The following PDE3B variants were observed in gnomAD, a reference collection of about 807,000 sequenced individuals.
The protein encoded by PDE3B is phosphodiesterase 3B.
In PDE3B, 66 loss-of-function variants were observed where a neutral mutation model predicts 116.8. The observed-to-expected ratio is 0.56, with a 90% CI of 0.46 to 0.69. PDE3B has a LOEUF of 0.69. Ranked by LOEUF, PDE3B falls within the 30% of genes least tolerant of loss-of-function variation. PDE3B has a pLI of 0.00. For missense variants in PDE3B, 1,384 were observed against 1,368.1 expected (o/e 1.01, Z -0.18); for synonymous variants, 595 against 533.6 (o/e 1.12, Z -1.59).
intron 12 of PDE3B, 100 bp from the exon 13 acceptor site, chr11:14,858,943 A>G (rs375850515): frequency 4.4e-5 from 33 of 752,952 alleles, no homozygotes; most frequent in East Asian, 2.3e-4. Context: ...CCTAGTATAT[A>G]GTAGGTATTC....
intron 1 of PDE3B, among the ~76,000 whole-genome samples, chr11:14,666,396 C>T (rs538494491): frequency 0.012 from 1,813 of 151,620 alleles, 35 homozygotes; most frequent in African/African-American, 0.041. Context: ...GTCTAAAACA[C>T]CAAAAGCAAT....
intron 1 of PDE3B, among the ~76,000 whole-genome samples, chr11:14,653,909 C>T (rs577681757): frequency 6.6e-6 from 1 of 151,982 alleles, no homozygotes; most frequent in African/African-American, 2.4e-5. Flanking sequence ...AATGTGGGAG[C>T]ATCACCTGAG....
intron 7 of PDE3B, among the ~76,000 whole-genome samples, chr11:14,825,375 T>TA (rs1361108761): frequency 6.6e-6 from 1 of 152,050 alleles, no homozygotes; most frequent in Non-Finnish European, 1.5e-5. Context: ...GACCCAATGA[T>TA]ACACTGTCTT....
chr11:14,878,858 A>G, the PDE3B span, among the ~76,000 whole-genome samples: 1 of 152,060 alleles, frequency 6.6e-6, no homozygotes, highest in East Asian at 1.9e-4. Flanking sequence ...TCATTCCACA[A>G]GTTTTGAAAA....
chr11:14,654,403 C>T (rs1853649925), intron 1 of PDE3B, among the ~76,000 whole-genome samples: 1 of 152,138 alleles, frequency 6.6e-6, no homozygotes, highest in African/African-American at 2.4e-5. Flanking sequence ...TATCATCCGA[C>T]AGGTGCTGAG....
chr11:14,773,421 AC>A (rs1481754839), intron 2 of PDE3B: 1 of 152,186 alleles, frequency 6.6e-6, no homozygotes, highest in East Asian at 1.9e-4. Flanking sequence ...ATAAATTCTT[AC>A]TTTTCATAAT....
At chr11:14,855,222 C>T (rs527472158) in intron 12 of PDE3B, among the ~76,000 whole-genome samples, 173 of 151,942 alleles carry the variant, frequency 1.1e-3, no homozygotes, top group African/African-American at 3.9e-3. Context: ...AGTGGAAGTT[C>T]TAAAAAGAAG....
chr11:14,829,373 T>C (rs1859800150), intron 7 of PDE3B, among the ~76,000 whole-genome samples: 1 of 152,162 alleles, frequency 6.6e-6, no homozygotes, highest in South Asian at 2.1e-4. Context: ...ATAAGTAGTA[T>C]TTAGATTTGA....
the PDE3B span, among the ~76,000 whole-genome samples, chr11:14,889,162 TTG>T: frequency 2.1e-3 from 257 of 119,820 alleles, 1 homozygote; most frequent in East Asian, 0.02. Context: ...TAAAGTCCAG[TTG>T]TTTTTTTTTT....
intron 13 of PDE3B, among the ~76,000 whole-genome samples, chr11:14,860,700 C>T (rs1253605919): frequency 2.0e-5 from 3 of 152,068 alleles, no homozygotes; most frequent in Non-Finnish European, 4.4e-5. Context: ...CAGAATACAA[C>T]TTGCTGATTC....
intron 1 of PDE3B, among the ~76,000 whole-genome samples, chr11:14,680,838 A>G (rs1208060421): frequency 2.0e-5 from 3 of 150,854 alleles, no homozygotes; most frequent in Non-Finnish European, 4.4e-5. Flanking sequence ...CATGGACATG[A>G]TATATCTCTT....
At chr11:14,780,040 T>A (rs1282258081) in intron 2 of PDE3B, among the ~76,000 whole-genome samples, 1 of 149,336 alleles carries the variant, frequency 6.7e-6, no homozygotes, top group Non-Finnish European at 1.5e-5. Context: ...TAAAACAGAC[T>A]TTAAACCAAC....
At chr11:14,649,852 A>G (rs975669121) in intron 1 of PDE3B, among the ~76,000 whole-genome samples, 2 of 152,216 alleles carry the variant, frequency 1.3e-5, no homozygotes, top group African/African-American at 2.4e-5. Context: ...GCTTAAAGGC[A>G]TTCAGTTTAA....
intron 4 of PDE3B, among the ~76,000 whole-genome samples, chr11:14,789,662 G>A (rs1466860158): frequency 6.6e-6 from 1 of 151,968 alleles, no homozygotes; most frequent in Non-Finnish European, 1.5e-5. Flanking sequence ...ACAATTGTTA[G>A]GTTTAAGGTA....
chr11:14,790,535 A>G (rs1959993400), intron 4 of PDE3B, among the ~76,000 whole-genome samples: 4 of 152,136 alleles, frequency 2.6e-5, no homozygotes, highest in Admixed American at 2.6e-4. Context: ...CATTTGATAC[A>G]TTGAGTTAAG....
chr11:14,812,074 C>T lies in PDE3B; in HGVS notation c.1523-6109C>T, dbSNP rs573519613. On this transcript the variant is annotated intron_variant, in intron 5 of 15. Coordinates refer to ENST00000282096, the MANE Select transcript of PDE3B (RefSeq NM_000922.4). The stretch of plus-strand genomic sequence containing the variant: ...TTATAGCAAGTTGAATGAACTAAGA[C>T]AGTGGTCCCTTGTGACTATGGGTAG... 5.9e-5 allele frequency among the ~76,000 whole-genome samples: 9 copies of T among 152,214 alleles called. No homozygotes were observed. The East Asian group carries it at 9.6e-4, about 16-fold the overall frequency.
chr11:14,779,809 C>T (rs1857919523), intron 2 of PDE3B, among the ~76,000 whole-genome samples: 1 of 152,156 alleles, frequency 6.6e-6, no homozygotes, highest in South Asian at 2.1e-4. Context: ...ATCAAATTCA[C>T]ACATAACAAT....
At chr11:14,814,618 GATGA>G (rs1451431996) in intron 5 of PDE3B, among the ~76,000 whole-genome samples, 1 of 152,146 alleles carries the variant, frequency 6.6e-6, no homozygotes, top group Admixed American at 6.5e-5. Context: ...TATGGGATTA[GATGA>G]ATAAATTTGA....
chr11:14,848,393 GCAAAAA>G (rs1847660673), intron 12 of PDE3B, among the ~76,000 whole-genome samples: 1 of 147,774 alleles, frequency 6.8e-6, no homozygotes, highest in African/African-American at 2.5e-5. Context: ...TACTGAATGG[GCAAAAA>G]CTGGAAGCAT....
Sources: gnomAD v4.1 joint callset for allele counts (sites outside exome capture counted in the v4.1 genomes callset) on GRCh38, gnomAD v4.1.1 for gene constraint, MANE v1.5 for transcripts, NCBI Gene and HGNC (gene_info 2026-07-23, HGNC 2026-07-21) for gene names.